MOSPD2: variants seen among roughly 807,000 people sequenced by gnomAD.
MOSPD2 encodes motile sperm domain containing 2.
Under a neutral mutation model 41.7 loss-of-function variants are expected in MOSPD2, and 5 were observed. The observed-to-expected ratio is 0.12, with a 90% CI of 0.06 to 0.25. The LOEUF is 0.25. Among genes scored for constraint, MOSPD2 ranks in the 10% least tolerant of loss-of-function variants. MOSPD2 has a pLI of 1.00. For synonymous variants in MOSPD2, 115 were observed against 126.9 expected (o/e 0.91, Z 0.63); for missense variants, 282 against 375.2 (o/e 0.75, Z 2.05).
Position 14,897,034 on chromosome X carries a change from AATAT to A in MOSPD2, c.323-49_323-46del, listed in dbSNP as rs762944896. On this transcript the variant is annotated intron_variant, in intron 4 of 14. Transcript: ENST00000380492. ...GGGAAAGGCAATATATATGTATAAT[AATAT>A]TATAATGCCATAAGTCTTGTTCTTA... 3.1e-6 allele frequency: 3 copies of A among 979,794 alleles called. No individual in the cohort carries two copies. In the Admixed American group the frequency reaches 9.4e-5, roughly 31 times the overall value. 80.7% of individuals were successfully genotyped at this position (979,794 alleles called of 1,213,427 possible). A position where few individuals can be genotyped will look rare whatever the true frequency, so the allele number is the denominator to read the frequency against.
At chrX:14,882,035 A>T (rs886369426) in intron 2 of MOSPD2, among the ~76,000 whole-genome samples, 27 of 110,448 alleles carry the variant, frequency 2.4e-4, no homozygotes, top group African/African-American at 8.6e-4. Flanking sequence ...GGGGGGAGGG[A>T]TAGCATTAGG....
intron 2 of MOSPD2, among the ~76,000 whole-genome samples, chrX:14,885,635 C>CA (rs777572983): frequency 4.9e-4 from 54 of 110,750 alleles, no homozygotes; most frequent in Admixed American, 1.2e-3. Context: ...TAAAGTTTGC[C>CA]AATCTTGTCA....
At position 14,908,832 on chromosome X, in the gene MOSPD2, T is replaced by G. The variant is rs191117636; in HGVS notation, c.578-28T>G. ...AATTGAGACTAGGAATGATGAGAAT[T>G]TTAATGAAGTGACTGGTTTTTCTTC... On this transcript the variant is annotated intron_variant, in intron 7 of 14. Transcript: ENST00000380492. The G allele has an allele frequency of 1.2e-5, 14 of 1,156,559 alleles. No individual in the cohort carries two copies. The African/African-American group carries it at 2.3e-4, about 19-fold the overall frequency.
At chrX:14,879,795 C>T (rs755778350) in intron 2 of MOSPD2, among the ~76,000 whole-genome samples, 2 of 110,806 alleles carry the variant, frequency 1.8e-5, no homozygotes, top group African/African-American at 3.3e-5. Flanking sequence ...TTTGGGCATC[C>T]TTGTTTTTCT....
chrX:14,901,431 G>A (rs151311205), intron 6 of MOSPD2, among the ~76,000 whole-genome samples: 3 of 111,344 alleles, frequency 2.7e-5, no homozygotes, highest in East Asian at 2.8e-4. Context: ...TTTGGGACTC[G>A]TGACTCAGGT....
intron 4 of MOSPD2, among the ~76,000 whole-genome samples, chrX:14,896,278 A>C (rs1212921700): frequency 9.0e-6 from 1 of 110,879 alleles, no homozygotes; most frequent in African/African-American, 3.3e-5. Flanking sequence ...GACTGTCAGC[A>C]GCCTTTAGCA....
rs181794061 is a variant in MOSPD2, at chrX:14,906,318, A to G, written c.578-2542A>G. ...TATGGTCAGTTGATTTTTTTTTACAATGGTGCCAAGACTATTCAGTAGAGA... is the reference window on the plus strand; with the variant it reads ...TATGGTCAGTTGATTTTTTTTTACAGTGGTGCCAAGACTATTCAGTAGAGA... On this transcript the variant is annotated intron_variant, in intron 7 of 14. Transcript: ENST00000380492. Among the ~76,000 whole-genome samples the G allele has an allele frequency of 3.6e-5, 4 of 111,849 alleles. No individual in the cohort carries two copies. The Admixed American group carries it at 3.8e-4, about 11-fold the overall frequency.
intron 4 of MOSPD2, among the ~76,000 whole-genome samples, chrX:14,896,057 T>C (rs1369189099): frequency 1.8e-5 from 2 of 111,517 alleles, no homozygotes; most frequent in East Asian, 2.8e-4. Flanking sequence ...ACCTTTTTTT[T>C]CTCATTTTTC....
chrX:14,899,204 A>C (rs987715114), intron 5 of MOSPD2, among the ~76,000 whole-genome samples: 2 of 108,218 alleles, frequency 1.8e-5, no homozygotes, highest in African/African-American at 6.6e-5. Flanking sequence ...ATGCTGAGCA[A>C]TAGGGTTGAT....
intron 3 of MOSPD2, 51 bp downstream of exon 3, chrX:14,892,929 T>C (rs751734587): frequency 4.5e-6 from 4 of 892,524 alleles, no homozygotes; most frequent in Non-Finnish European, 6.3e-6. Flanking sequence ...ATAAATGGTA[T>C]TGTTTTACAT....
chrX:14,914,498 C>T lies in MOSPD2; in HGVS notation c.993-5C>T, dbSNP rs150855218. 9.5e-6 allele frequency: 11 copies of T among 1,153,076 alleles called. No individual in the cohort carries two copies. Among genetic ancestry groups the T allele is most frequent in the Non-Finnish European group, 1.3e-5 (11 of 852,857 alleles). On this transcript the variant is annotated splice_region_variant and splice_polypyrimidine_tract_variant and intron_variant, in intron 10 of 14. Transcript: ENST00000380492. ...CAAATGTCTTATGTTTTTGTCACTCCCTAGCCCAGCAGAAGAACTGTACTT... is the reference window on the plus strand; with the variant it reads ...CAAATGTCTTATGTTTTTGTCACTCTCTAGCCCAGCAGAAGAACTGTACTT...
intron 7 of MOSPD2, among the ~76,000 whole-genome samples, chrX:14,906,524 A>G (rs1447271716): frequency 1.9e-5 from 2 of 104,756 alleles, no homozygotes; most frequent in African/African-American, 3.5e-5. Context: ...GGATTGGGCA[A>G]TGGTTTCTTA....
At chrX:14,880,293 A>G (rs1175033206) in intron 2 of MOSPD2, among the ~76,000 whole-genome samples, 2 of 111,289 alleles carry the variant, frequency 1.8e-5, no homozygotes, top group African/African-American at 6.5e-5. Context: ...GTCTTAATAT[A>G]TATTTTCTAA....
Position 14,919,918 on chromosome X carries a change from A to G in MOSPD2, c.*109A>G. 9.0e-7 allele frequency: 1 copy of G among 1,106,042 alleles called. No homozygotes were observed. The highest frequency in any genetic ancestry group is 1.2e-6 in the Non-Finnish European group (1 of 847,735). 91.2% of individuals were successfully genotyped at this position (1,106,042 alleles called of 1,213,427 possible). On this transcript the variant is annotated 3_prime_UTR_variant, in exon 15 of 15. Transcript: ENST00000380492. ...AAAACATTGCACATCTGTGCTTCCT[A>G]AAAGGAAATATGCAGCACGTGGAGG...
At chrX:14,898,063 C>A (rs1403617437) in intron 5 of MOSPD2, among the ~76,000 whole-genome samples, 1 of 112,097 alleles carries the variant, frequency 8.9e-6, no homozygotes, top group Admixed American at 9.5e-5. Flanking sequence ...TATTTATATT[C>A]TTTGCCTGGT....
In MOSPD2 at chrX:14,921,541, A is replaced by C. The variant is rs2092609621; in HGVS notation, c.*1732A>C. 1 of 450,585 alleles carries C rather than the reference A, an allele frequency of 2.2e-6. No individual in the cohort carries two copies. The highest frequency in any genetic ancestry group is 6.2e-5 in the Admixed American group (1 of 16,112). 37.1% of individuals were successfully genotyped at this position (450,585 alleles called of 1,213,427 possible). ...GTGTATGTTTTCTGTTCCTTGGCAA[A>C]TAAATGAAGAAATAATTAGCCAAGA... On this transcript the variant is annotated 3_prime_UTR_variant, in exon 15 of 15. Coordinates refer to ENST00000380492, the MANE Select transcript of MOSPD2 (RefSeq NM_152581.4).
intron 11 of MOSPD2, 188 bp from the exon 12 acceptor site, chrX:14,915,480 C>T (rs766393678): frequency 6.6e-6 from 1 of 152,406 alleles, no homozygotes; most frequent in South Asian, 2.4e-4. Flanking sequence ...TGCAGCACAC[C>T]AACATGGCAC....
At chrX:14,889,896 A>G (rs1416477240) in intron 2 of MOSPD2, among the ~76,000 whole-genome samples, 1 of 111,448 alleles carries the variant, frequency 9.0e-6, no homozygotes, top group African/African-American at 3.3e-5. Flanking sequence ...AACAACAACA[A>G]TAGTGTTTTA....
chrX:14,894,426 C>T (rs977410996), intron 3 of MOSPD2, among the ~76,000 whole-genome samples: 3 of 107,036 alleles, frequency 2.8e-5, no homozygotes, highest in African/African-American at 1.0e-4. Flanking sequence ...ACGCCATTCT[C>T]CTGCCTCAAC....
Sources: gnomAD v4.1 joint callset for allele counts (sites outside exome capture counted in the v4.1 genomes callset) on GRCh38, gnomAD v4.1.1 for gene constraint, MANE v1.5 for transcripts, NCBI Gene and HGNC (gene_info 2026-07-23, HGNC 2026-07-21) for gene names.